PCDHA9: variants seen among roughly 807,000 people sequenced by gnomAD.
PCDHA9 encodes protocadherin alpha 9.
Under a neutral mutation model 62.0 loss-of-function variants are expected in PCDHA9, and 62 were observed. That is an observed-to-expected ratio of 1.00 (90% CI 0.81 to 1.23). The LOEUF is 1.23. Ranked by LOEUF, PCDHA9 falls within the 50% of genes most tolerant of loss-of-function variation. PCDHA9 has a pLI of 0.00. For synonymous variants in PCDHA9, 557 were observed against 567.6 expected (o/e 0.98, Z 0.27); for missense variants, 1,205 against 1,249.8 (o/e 0.96, Z 0.54).
At chr5:140,968,027 C>G in intron 1 of PCDHA9, 2 of 1,614,200 alleles carry the variant, frequency 1.2e-6, no homozygotes, top group Middle Eastern at 1.6e-4. Flanking sequence ...CTCCTATACA[C>G]TGGTGGTGAG....
At chr5:140,862,364 C>T in intron 1 of PCDHA9, 1 of 339,652 alleles carries the variant, frequency 2.9e-6, no homozygotes, top group Non-Finnish European at 5.8e-6. Flanking sequence ...ACAGACGACC[C>T]GCACCCTGAC....
chr5:140,887,047 C>G (rs530605993), intron 1 of PCDHA9, among the ~76,000 whole-genome samples: 1 of 151,882 alleles, frequency 6.6e-6, no homozygotes, highest in African/African-American at 2.4e-5. Flanking sequence ...TTTTATAGTG[C>G]ATATGTTCTG....
At chr5:140,873,310 G>A (rs2054217209) in intron 1 of PCDHA9, among the ~76,000 whole-genome samples, 1 of 152,176 alleles carries the variant, frequency 6.6e-6, no homozygotes, top group Admixed American at 6.6e-5. Context: ...TAATAAAGGT[G>A]AATATTAGAT....
chr5:140,884,582 T>G, intron 1 of PCDHA9: 1 of 1,614,172 alleles, frequency 6.2e-7, no homozygotes, highest in South Asian at 1.1e-5. Flanking sequence ...CCTCATGGCC[T>G]TCAGTCCCAG....
At chr5:140,926,906 G>T in intron 1 of PCDHA9, 1 of 1,559,584 alleles carries the variant, frequency 6.4e-7, no homozygotes, top group Non-Finnish European at 8.7e-7. Context: ...GTGGGCTGTG[G>T]GGTGGCAGTT....
At chr5:140,875,953 G>T (rs782793293) in intron 1 of PCDHA9, 1 of 1,614,066 alleles carries the variant, frequency 6.2e-7, no homozygotes, top group African/African-American at 1.3e-5. Context: ...TTCTGATGCG[G>T]ATATCGGCGT....
intron 1 of PCDHA9, among the ~76,000 whole-genome samples, chr5:140,904,512 C>T (rs1251570223): frequency 5.9e-5 from 9 of 151,738 alleles, no homozygotes; most frequent in Admixed American, 3.3e-4. Flanking sequence ...GTGAATTGTG[C>T]TGCTATAAAC....
intron 1 of PCDHA9, chr5:140,871,080 G>A: frequency 6.2e-7 from 1 of 1,613,212 alleles, no homozygotes; most frequent in Non-Finnish European, 8.5e-7. Flanking sequence ...CGGCGCTGAC[G>A]GCCACGGCCA....
intron 1 of PCDHA9, among the ~76,000 whole-genome samples, chr5:140,895,037 C>G (rs28619398): frequency 6.6e-6 from 1 of 152,134 alleles, no homozygotes; most frequent in Non-Finnish European, 1.5e-5. Context: ...TTGTCCCCCA[C>G]CCACACCATT....
At chr5:141,005,228 C>G (rs974482410) in intron 3 of PCDHA9, among the ~76,000 whole-genome samples, 11 of 152,182 alleles carry the variant, frequency 7.2e-5, no homozygotes, top group Admixed American at 2.0e-4. Flanking sequence ...TACTAAACAC[C>G]TGTTATGGGC....
At chr5:140,880,514 TC>T (rs1459255635) in intron 1 of PCDHA9, among the ~76,000 whole-genome samples, 1 of 152,198 alleles carries the variant, frequency 6.6e-6, no homozygotes, top group Non-Finnish European at 1.5e-5. Context: ...TTTGGTCACA[TC>T]TCTCAATGTG....
chr5:140,969,613 T>C (rs2096347317), intron 1 of PCDHA9: 2 of 727,588 alleles, frequency 2.7e-6, no homozygotes, highest in African/African-American at 1.8e-5. Flanking sequence ...AAACACAGAT[T>C]TGTAGAGAAA....
chr5:140,915,542 G>T (rs1253663657), intron 1 of PCDHA9, among the ~76,000 whole-genome samples: 2 of 152,030 alleles, frequency 1.3e-5, no homozygotes, highest in Admixed American at 6.6e-5. Context: ...TGGAGGTCTT[G>T]AATAAGATCC....
intron 1 of PCDHA9, chr5:140,927,933 C>T (rs1273187123): frequency 1.9e-6 from 3 of 1,614,090 alleles, no homozygotes; most frequent in African/African-American, 2.7e-5. Context: ...CTCTTTCGAA[C>T]CCAGTACCTG....
chr5:140,921,732 A>G lies in PCDHA9; in HGVS notation c.2395-57217A>G, dbSNP rs1345229893. 2.0e-5 allele frequency among the ~76,000 whole-genome samples: 3 copies of G among 152,206 alleles called. No individual in the cohort carries two copies. In the East Asian group the frequency reaches 5.8e-4, roughly 29 times the overall value. ...AAACACACGAATTACTCCCATAAAA[A>G]TTATAAGCATAACAGGACACTTCTT... is the stretch of plus-strand genomic sequence containing the variant. On this transcript the variant is annotated intron_variant, in intron 1 of 3. Coordinates refer to ENST00000532602, the MANE Select transcript of PCDHA9 (RefSeq NM_031857.2).
intron 2 of PCDHA9, among the ~76,000 whole-genome samples, chr5:140,980,402 T>G (rs1019891422): frequency 2.0e-5 from 3 of 152,020 alleles, no homozygotes; most frequent in African/African-American, 7.2e-5. Context: ...GAGGCCGAGG[T>G]GGGCAGATCA....
chr5:141,007,498 G>A (rs936217793), intron 3 of PCDHA9, among the ~76,000 whole-genome samples: 1 of 151,942 alleles, frequency 6.6e-6, no homozygotes. Flanking sequence ...GACCTAGGAG[G>A]CAGAGACTGC....
At chr5:140,994,563 G>A (rs1554254253) in intron 3 of PCDHA9, among the ~76,000 whole-genome samples, 1 of 151,976 alleles carries the variant, frequency 6.6e-6, no homozygotes, top group Non-Finnish European at 1.5e-5. Flanking sequence ...AAATTAGCCG[G>A]GTGTGGTGGC....
At chr5:140,961,548 TTC>T (rs1261051270) in intron 1 of PCDHA9, among the ~76,000 whole-genome samples, 4 of 152,230 alleles carry the variant, frequency 2.6e-5, no homozygotes, top group African/African-American at 9.6e-5. Context: ...CCTGCAGCAT[TTC>T]TTTTTTTAAA....
Sources: allele counts gnomAD v4.1 joint callset (sites outside exome capture counted in the v4.1 genomes callset), GRCh38; gene constraint gnomAD v4.1.1; transcripts MANE v1.5; gene names NCBI Gene and HGNC (gene_info 2026-07-23, HGNC 2026-07-21).